The following CEP72 variants were observed in gnomAD, a reference collection of about 807,000 sequenced individuals.
CEP72 encodes centrosomal protein of 72 kDa.
In CEP72, 78 loss-of-function variants were observed where a neutral mutation model predicts 65.7. The observed-to-expected ratio is 1.19, with a 90% CI of 0.99 to 1.43. The LOEUF is 1.43. Among genes scored for constraint, CEP72 ranks in the 40% most tolerant of loss-of-function variants. The pLI is 0.00. For missense variants in CEP72, 914 were observed against 832.9 expected, an observed-to-expected ratio of 1.10 and a Z score of -1.20; for synonymous variants, 358 against 351.7, an observed-to-expected ratio of 1.02 and a Z score of -0.20.
rs375079378 is a variant in CEP72 at position 620,194 on chromosome 5, C to A, written c.336C>A (p.Pro112=). The A allele has an allele frequency of 6.2e-7, 1 of 1,614,036 alleles. No individual in the cohort carries two copies. The highest frequency in any genetic ancestry group is 8.5e-7 in the Non-Finnish European group (1 of 1,180,032). The change falls in exon 3 of 12, where the codon CCC becomes CCA. Residue 112 remains proline, a synonymous_variant. Coordinates refer to ENST00000264935, the MANE Select transcript of CEP72 (RefSeq NM_018140.4). ...ELVDVDFRLN[P]VVKVEPDYRL... is the part of the protein sequence containing the mutation. Reference sequence around the variant, plus strand: ...TGGATGTGGACTTCCGGCTGAACCCCGTGGTGAAGGTTGAGCCTGACTACC... The same window carrying A: ...TGGATGTGGACTTCCGGCTGAACCCAGTGGTGAAGGTTGAGCCTGACTACC...
chr5:633,190 G>A (rs1407449434), intron 4 of CEP72, among the ~76,000 whole-genome samples: 1 of 98,040 alleles, frequency 1.0e-5, no homozygotes, highest in Non-Finnish European at 1.9e-5. Context: ...GTTCTGTCCA[G>A]TGCCGGGATT....
chr5:629,206 A>T (rs1052647821), intron 4 of CEP72, among the ~76,000 whole-genome samples: 1 of 152,254 alleles, frequency 6.6e-6, no homozygotes, highest in Non-Finnish European at 1.5e-5. Flanking sequence ...CACCATGCTA[A>T]GGTGGGTCAT....
In CEP72 at chr5:629,536, T is replaced by G. The variant is rs1737073788; in HGVS notation, c.513-4233T>G. On this transcript the variant is annotated intron_variant, in intron 4 of 11. Transcript: ENST00000264935. ...GTGGGGTTCTGTCCAGTGCCGGGAT[T>G]TGGACCAGTCCTGGTGGGGTTCTGT... Among the ~76,000 whole-genome samples, 3 of 121,072 alleles carry G rather than the reference T, an allele frequency of 2.5e-5. No individual in the cohort carries two copies. In the South Asian group the frequency reaches 7.7e-4, roughly 31 times the overall value. The allele number at this position is 121,072 out of a possible 152,430, so 79.4% of individuals were successfully genotyped here. A position where few individuals can be genotyped will look rare whatever the true frequency, so the allele number is the denominator to read the frequency against.
chr5:674,404 G>A, the CEP72 span, among the ~76,000 whole-genome samples: 12 of 150,872 alleles, frequency 8.0e-5, no homozygotes, highest in South Asian at 2.1e-4. Flanking sequence ...CCTTGCCCAC[G>A]CAGGCTCTGG....
At chr5:673,177 C>T in the CEP72 span, among the ~76,000 whole-genome samples, 6 of 152,306 alleles carry the variant, frequency 3.9e-5, no homozygotes, top group South Asian at 4.1e-4. Context: ...ACAGGCCCGC[C>T]GCCACCACCC....
downstream of CEP72, among the ~76,000 whole-genome samples, chr5:656,246 G>A (rs996580522): frequency 2.0e-5 from 3 of 152,156 alleles, no homozygotes; most frequent in Non-Finnish European, 2.9e-5. Context: ...ACTCTGGGGC[G>A]CGTACCTCCA....
chr5:639,847 G>A (rs1214669521), intron 8 of CEP72, among the ~76,000 whole-genome samples: 3 of 152,110 alleles, frequency 2.0e-5, no homozygotes, highest in African/African-American at 7.2e-5. Flanking sequence ...GCTTCTCCCC[G>A]CAGACCCTGG....
the CEP72 span, among the ~76,000 whole-genome samples, chr5:675,042 A>G: frequency 3.0e-5 from 1 of 33,648 alleles, no homozygotes; most frequent in Admixed American, 4.3e-4. Flanking sequence ...TGAGGGGGGT[A>G]CAGTATGGCT....
At chr5:625,864 C>T (rs1392668273) in intron 4 of CEP72, among the ~76,000 whole-genome samples, 1 of 152,192 alleles carries the variant, frequency 6.6e-6, no homozygotes, top group Non-Finnish European at 1.5e-5. Flanking sequence ...AGAATCTCTC[C>T]TCCGTGCCTG....
At chr5:673,124 A>G in the CEP72 span, among the ~76,000 whole-genome samples, 176 of 151,962 alleles carry the variant, frequency 1.2e-3, no homozygotes, top group East Asian at 9.2e-3. Context: ...CACAAGTGAC[A>G]GTGGGCACCC....
chr5:639,145 G>C lies in CEP72; in HGVS notation c.1263G>C (p.Ala421=). The part of the protein sequence containing the change: ...LPGKKTALQA[A]LLETLLDLVD... ...GGAAGAAGACGGCCCTGCAGGCGGC[G>C]CTCCTGGAGACGCTCTTGGACCTGG... is the stretch of plus-strand genomic sequence containing the variant. The change falls in exon 8 of 12, where the codon GCG becomes GCC. Residue 421 remains alanine (A), a synonymous_variant. Transcript: ENST00000264935. 1 of 1,612,932 alleles carries C rather than the reference G, an allele frequency of 6.2e-7. No individual in the cohort carries two copies. The highest frequency in any genetic ancestry group is 8.5e-7 in the Non-Finnish European group (1 of 1,179,652).
downstream of CEP72, among the ~76,000 whole-genome samples, chr5:670,919 A>G (rs1046695972): frequency 7.2e-5 from 11 of 152,192 alleles, no homozygotes; most frequent in African/African-American, 2.2e-4. Flanking sequence ...TTCTCCCCTC[A>G]TCTCAGGAAA....
At chr5:625,452 T>C (rs1416313234) in intron 4 of CEP72, among the ~76,000 whole-genome samples, 2 of 152,260 alleles carry the variant, frequency 1.3e-5, no homozygotes, top group Non-Finnish European at 2.9e-5. Context: ...TCCCATCTTC[T>C]TAGCTCTGCC....
At chr5:635,642 G>T in intron 6 of CEP72, 58 bp downstream of exon 6, 1 of 1,345,244 alleles carries the variant, frequency 7.4e-7, no homozygotes, top group East Asian at 2.3e-5. Flanking sequence ...CACAGACTGA[G>T]TAATTTATAA....
intron 11 of CEP72, 96 bp downstream of exon 11, chr5:648,012 G>A: frequency 1.4e-6 from 1 of 713,700 alleles, no homozygotes; most frequent in South Asian, 1.7e-5. Flanking sequence ...AAGGCACAGA[G>A]GAGCAGCTCC....
At chr5:661,364 A>C (rs1739597154), downstream of CEP72, 1 of 100,402 alleles carries the variant, frequency 1.0e-5, no homozygotes, top group Non-Finnish European at 2.2e-5. Flanking sequence ...CCATGATAGA[A>C]CCTGTCCCTG....
the CEP72 span, among the ~76,000 whole-genome samples, chr5:674,419 G>C: frequency 6.6e-6 from 1 of 150,912 alleles, no homozygotes; most frequent in African/African-American, 2.5e-5. Context: ...CTCTGGACCT[G>C]GCGGCCACAC....
intron 3 of CEP72, 115 bp downstream of exon 3, chr5:620,376 G>C: frequency 1.1e-6 from 1 of 926,244 alleles, no homozygotes; most frequent in Admixed American, 2.3e-5. Context: ...TTCTGGAACG[G>C]GGAGTTGGTT....
At chr5:672,086 G>A (rs1301091543), downstream of CEP72, among the ~76,000 whole-genome samples, 1 of 152,228 alleles carries the variant, frequency 6.6e-6, no homozygotes, top group Non-Finnish European at 1.5e-5. Flanking sequence ...CTCCAAACCT[G>A]GGTCCTGCTC....
Sources: allele counts gnomAD v4.1 joint callset (sites outside exome capture counted in the v4.1 genomes callset), GRCh38; gene constraint gnomAD v4.1.1; transcripts MANE v1.5; gene names NCBI Gene and HGNC (gene_info 2026-07-23, HGNC 2026-07-21).